PRKG1: variants seen among roughly 807,000 people sequenced by gnomAD.
PRKG1 encodes the protein protein kinase cGMP-dependent 1.
Under a neutral mutation model 88.1 loss-of-function variants are expected in PRKG1, and 35 were observed. The ratio of observed to expected loss-of-function variants is 0.40; its 90% CI spans 0.30 to 0.53. The LOEUF is 0.53. Ranked by LOEUF, PRKG1 falls within the 20% of genes least tolerant of loss-of-function variation. PRKG1 has a pLI of 0.59. For missense variants in PRKG1, 540 were observed against 839.8 expected, an observed-to-expected ratio of 0.64 and a Z score of 4.41; for synonymous variants, 303 against 292.5, an observed-to-expected ratio of 1.04 and a Z score of -0.37.
intron 3 of PRKG1, among the ~76,000 whole-genome samples, chr10:51,576,949 A>G (rs1269522806): frequency 1.3e-5 from 2 of 151,974 alleles, no homozygotes; most frequent in Admixed American, 6.6e-5. Flanking sequence ...AGCAAAATGT[A>G]CAATACTTTT....
chr10:51,459,126 C>T (rs293285), intron 2 of PRKG1, among the ~76,000 whole-genome samples: 5,003 of 152,124 alleles, frequency 0.033, 284 homozygotes, highest in African/African-American at 0.11. Flanking sequence ...TAACTTTCCT[C>T]ATCACTCCTT....
At chr10:51,580,409 A>G (rs952340230) in intron 3 of PRKG1, among the ~76,000 whole-genome samples, 1 of 152,170 alleles carries the variant, frequency 6.6e-6, no homozygotes, top group Non-Finnish European at 1.5e-5. Context: ...AACACATGGT[A>G]TTATTAGACT....
At chr10:51,455,869 G>A (rs1424306379) in intron 2 of PRKG1, among the ~76,000 whole-genome samples, 1 of 152,158 alleles carries the variant, frequency 6.6e-6, no homozygotes, top group African/African-American at 2.4e-5. Flanking sequence ...GTCTTCTTCT[G>A]AGCCCTGAAA....
chr10:52,292,917 T>C (rs1842286841), intron 17 of PRKG1, among the ~76,000 whole-genome samples: 1 of 152,034 alleles, frequency 6.6e-6, no homozygotes, highest in Admixed American at 6.6e-5. Flanking sequence ...TCAGGGCAAT[T>C]AGGCAGGAGA....
chr10:52,173,098 C>T (rs897203515), intron 9 of PRKG1, among the ~76,000 whole-genome samples: 7 of 152,110 alleles, frequency 4.6e-5, no homozygotes, highest in Non-Finnish European at 8.8e-5. Flanking sequence ...GAGGATATCT[C>T]TCACTGTCAA....
intron 2 of PRKG1, among the ~76,000 whole-genome samples, chr10:51,340,931 C>T (rs1841990743): frequency 6.6e-6 from 1 of 152,166 alleles, no homozygotes; most frequent in South Asian, 2.1e-4. Context: ...CTACATCTCA[C>T]ATAGACCTAC....
At chr10:51,562,646 CTGAT>C (rs1321616712) in intron 3 of PRKG1, among the ~76,000 whole-genome samples, 1 of 152,122 alleles carries the variant, frequency 6.6e-6, no homozygotes, top group Non-Finnish European at 1.5e-5. Flanking sequence ...ATTTCTGTGT[CTGAT>C]TGTCACAGCT....
At chr10:51,100,795 A>T (rs1844660256) in intron 1 of PRKG1, among the ~76,000 whole-genome samples, 1 of 152,168 alleles carries the variant, frequency 6.6e-6, no homozygotes, top group Admixed American at 6.5e-5. Flanking sequence ...TGGAGAAAAT[A>T]ACTAACAATT....
intron 9 of PRKG1, among the ~76,000 whole-genome samples, chr10:52,195,176 C>T (rs1180160901): frequency 6.6e-6 from 1 of 151,582 alleles, no homozygotes; most frequent in Non-Finnish European, 1.5e-5. Flanking sequence ...AATGGAATGT[C>T]CAGAAAACTC....
chr10:51,701,470 G>A (rs1452645545), intron 3 of PRKG1, among the ~76,000 whole-genome samples: 3 of 152,100 alleles, frequency 2.0e-5, no homozygotes, highest in Non-Finnish European at 4.4e-5. Context: ...AAGTGACAAG[G>A]TTCATTTACA....
At chr10:51,850,688 A>G (rs377441493) in intron 4 of PRKG1, among the ~76,000 whole-genome samples, 13 of 152,300 alleles carry the variant, frequency 8.5e-5, no homozygotes, top group Admixed American at 3.9e-4. Flanking sequence ...GGCAAAGGTC[A>G]TGAACCAACA....
At chr10:51,284,896 C>CTT (rs537910719) in intron 2 of PRKG1, among the ~76,000 whole-genome samples, 822 of 47,870 alleles carry the variant, frequency 0.017, 11 homozygotes, top group African/African-American at 0.047. Flanking sequence ...TTAAGCTATT[C>CTT]TTTTTTTTTT....
chr10:51,006,159 T>C (rs927968505), intron 1 of PRKG1, among the ~76,000 whole-genome samples: 2 of 152,216 alleles, frequency 1.3e-5, no homozygotes, highest in African/African-American at 4.8e-5. Context: ...AGCTTTTTCA[T>C]GTGGACTAAT....
chr10:51,435,894 G>C (rs968320100), intron 2 of PRKG1, among the ~76,000 whole-genome samples: 3 of 151,958 alleles, frequency 2.0e-5, no homozygotes, highest in Non-Finnish European at 4.4e-5. Flanking sequence ...TCTTGGTCCC[G>C]AGTATGTTAT....
chr10:51,218,674 G>C (rs757276703), intron 2 of PRKG1, among the ~76,000 whole-genome samples: 7 of 151,230 alleles, frequency 4.6e-5, no homozygotes, highest in Non-Finnish European at 8.8e-5. Context: ...TATTTTATGA[G>C]GTAATGTCTT....
chr10:51,991,444 A>C (rs1165028400), intron 5 of PRKG1, among the ~76,000 whole-genome samples: 1 of 152,036 alleles, frequency 6.6e-6, no homozygotes, highest in African/African-American at 2.4e-5. Flanking sequence ...GGTTTGTTAC[A>C]TATGTGTACA....
intron 9 of PRKG1, among the ~76,000 whole-genome samples, chr10:52,188,288 GTGTATATATATATGTATA>G (rs1839267114): frequency 7.7e-5 from 1 of 13,062 alleles, no homozygotes; most frequent in African/African-American, 4.2e-4. Flanking sequence ...ACATATATAT[GTGTATATATATATGTATA>G]TATATACATA....
chr10:51,784,434 A>G (rs1007306650), intron 3 of PRKG1, among the ~76,000 whole-genome samples: 3 of 152,132 alleles, frequency 2.0e-5, no homozygotes, highest in African/African-American at 7.2e-5. Flanking sequence ...TACGTTGGTC[A>G]TCTCTTTCAA....
At chr10:51,570,244 A>G (rs139625965) in intron 3 of PRKG1, among the ~76,000 whole-genome samples, 40 of 151,740 alleles carry the variant, frequency 2.6e-4, no homozygotes, top group Non-Finnish European at 4.9e-4. Context: ...ATTACACTCA[A>G]ATTGAACTAC....
Sources: gnomAD v4.1 joint callset for allele counts (sites outside exome capture counted in the v4.1 genomes callset) on GRCh38, gnomAD v4.1.1 for gene constraint, MANE v1.5 for transcripts, NCBI Gene and HGNC (gene_info 2026-07-23, HGNC 2026-07-21) for gene names.